ADAM18: variants seen among roughly 807,000 people sequenced by gnomAD.
ADAM18 encodes the protein disintegrin and metalloproteinase domain-containing protein 18.
In ADAM18, 117 loss-of-function variants were observed where a neutral mutation model predicts 94.4. The ratio of observed to expected loss-of-function variants is 1.24; its 90% CI spans 1.07 to 1.45. The LOEUF is 1.45. Ranked by LOEUF, ADAM18 falls within the 40% of genes most tolerant of loss-of-function variation. ADAM18 has a pLI of 0.00. For missense variants in ADAM18, 936 were observed against 880.0 expected, an observed-to-expected ratio of 1.06 and a Z score of -0.81; for synonymous variants, 327 against 291.6, an observed-to-expected ratio of 1.12 and a Z score of -1.24.
At position 39,727,525 on chromosome 8, in the gene ADAM18, T is replaced by C. The variant is rs139971820; in HGVS notation, c.2178-2373T>C. ...GCCAGATATCCTATATGGTCATCTT[T>C]AGTTCAAGCTTCCACAGATCCCTAG... is the stretch of plus-strand genomic sequence containing the variant. On this transcript the variant is annotated intron_variant, in intron 19 of 19. Transcript: ENST00000265707. Among the ~76,000 whole-genome samples the C allele has an allele frequency of 4.6e-5, 7 of 152,336 alleles. No homozygotes were observed. The East Asian group carries it at 1.3e-3, about 29-fold the overall frequency.
At chr8:39,649,430 T>G (rs1820467224) in intron 12 of ADAM18, among the ~76,000 whole-genome samples, 1 of 152,148 alleles carries the variant, frequency 6.6e-6, no homozygotes, top group Non-Finnish European at 1.5e-5. Flanking sequence ...CATGCTGTCT[T>G]AGTTTTCTGA....
chr8:39,704,671 G>A (rs1338264372), intron 17 of ADAM18, among the ~76,000 whole-genome samples: 1 of 152,060 alleles, frequency 6.6e-6, no homozygotes, highest in Non-Finnish European at 1.5e-5. Flanking sequence ...TCTATGCCCA[G>A]CTTAAATAAA....
chr8:39,603,803 C>T (rs1187075187), intron 2 of ADAM18, among the ~76,000 whole-genome samples: 3 of 151,878 alleles, frequency 2.0e-5, no homozygotes, highest in Middle Eastern at 3.2e-3. Flanking sequence ...TTATTTTTGC[C>T]TTCTTAAATT....
At chr8:39,686,102 A>G (rs1821599588) in intron 16 of ADAM18, among the ~76,000 whole-genome samples, 1 of 152,038 alleles carries the variant, frequency 6.6e-6, no homozygotes, top group African/African-American at 2.4e-5. Flanking sequence ...ATCATCCTTA[A>G]TTCTCCACTT....
intron 18 of ADAM18, among the ~76,000 whole-genome samples, chr8:39,720,598 G>A (rs974305857): frequency 1.3e-5 from 2 of 151,238 alleles, no homozygotes; most frequent in Non-Finnish European, 3.0e-5. Context: ...TATATTAAAT[G>A]AAAAAACTAA....
At chr8:39,637,204 T>A (rs1030647752) in intron 7 of ADAM18, 60 bp from the exon 8 acceptor site, 76 of 1,290,760 alleles carry the variant, frequency 5.9e-5, no homozygotes, top group Non-Finnish European at 8.3e-5. Context: ...TGCCTAAATA[T>A]CATTTCATTC....
At chr8:39,719,759 C>T (rs546767119) in intron 18 of ADAM18, among the ~76,000 whole-genome samples, 35 of 151,522 alleles carry the variant, frequency 2.3e-4, no homozygotes, top group African/African-American at 7.2e-4. Flanking sequence ...AAAGGGCTGA[C>T]CACATTAACT....
chr8:39,595,287 T>A (rs1818708490), intron 2 of ADAM18, among the ~76,000 whole-genome samples: 1 of 152,092 alleles, frequency 6.6e-6, no homozygotes, highest in African/African-American at 2.4e-5. Flanking sequence ...AGCACAGGGC[T>A]GACTTTCACT....
chr8:39,661,998 T>C (rs1397921573), intron 12 of ADAM18, among the ~76,000 whole-genome samples: 1 of 151,078 alleles, frequency 6.6e-6, no homozygotes, highest in African/African-American at 2.4e-5. Context: ...TGTTATCTAA[T>C]AGGAACAGGG....
At chr8:39,710,242 A>T (rs1822357937) in intron 18 of ADAM18, among the ~76,000 whole-genome samples, 1 of 152,230 alleles carries the variant, frequency 6.6e-6, no homozygotes, top group African/African-American at 2.4e-5. Flanking sequence ...TGACAGAATA[A>T]TTCTAGAAAA....
At chr8:39,721,191 T>C (rs1241456177) in intron 18 of ADAM18, among the ~76,000 whole-genome samples, 1 of 151,492 alleles carries the variant, frequency 6.6e-6, no homozygotes, top group Non-Finnish European at 1.5e-5. Flanking sequence ...CCCTATTCAA[T>C]AAATGGTGCT....
At chr8:39,652,920 G>T (rs1820576973) in intron 12 of ADAM18, among the ~76,000 whole-genome samples, 1 of 152,146 alleles carries the variant, frequency 6.6e-6, no homozygotes, top group South Asian at 2.1e-4. Context: ...GTGAAATAAG[G>T]CAGGCATAGA....
chr8:39,604,181 T>G (rs573560460), intron 2 of ADAM18, among the ~76,000 whole-genome samples: 5 of 152,348 alleles, frequency 3.3e-5, no homozygotes, highest in Non-Finnish European at 7.3e-5. Context: ...GGAGAGTTAC[T>G]TAATCTCTGT....
intron 14 of ADAM18, among the ~76,000 whole-genome samples, chr8:39,671,504 A>C (rs1298790076): frequency 6.6e-6 from 1 of 152,182 alleles, no homozygotes; most frequent in East Asian, 1.9e-4. Flanking sequence ...AGGAAGACTT[A>C]ATTGAGAAGT....
intron 16 of ADAM18, among the ~76,000 whole-genome samples, chr8:39,684,282 T>TTATA (rs1248644250): frequency 6.6e-6 from 1 of 150,740 alleles, no homozygotes; most frequent in Non-Finnish European, 1.5e-5. Flanking sequence ...AATCTTTTAT[T>TTATA]TATTTATTTA....
Position 39,615,615 on chromosome 8 carries a change from G to A in ADAM18, c.522+4909G>A, listed in dbSNP as rs979108668. Among the ~76,000 whole-genome samples, 4 of 152,170 alleles carry A rather than the reference G, an allele frequency of 2.6e-5. No homozygotes were observed. The East Asian group carries it at 5.8e-4, about 22-fold the overall frequency. ...AAACCCACAGTAAATATACTCAACA[G>A]GCAAAAGCTGGAAGCATTCCTCTTA... On this transcript the variant is annotated intron_variant, in intron 6 of 19. Transcript: ENST00000265707.
intron 2 of ADAM18, among the ~76,000 whole-genome samples, chr8:39,601,544 T>C (rs1446421856): frequency 1.3e-5 from 2 of 152,242 alleles, no homozygotes; most frequent in Admixed American, 6.5e-5. Flanking sequence ...TTTAGTTTAT[T>C]TATGATTAGC....
intron 2 of ADAM18, among the ~76,000 whole-genome samples, chr8:39,596,653 T>C (rs1463160206): frequency 6.6e-6 from 1 of 152,232 alleles, no homozygotes; most frequent in African/African-American, 2.4e-5. Context: ...TAGATATTTG[T>C]ATGGACATAA....
At chr8:39,615,974 A>G (rs541196925) in intron 6 of ADAM18, among the ~76,000 whole-genome samples, 1 of 152,250 alleles carries the variant, frequency 6.6e-6, no homozygotes, top group East Asian at 1.9e-4. Context: ...CACAAAAAAA[A>G]TATCTAGGAA....
Sources: allele counts gnomAD v4.1 joint callset (sites outside exome capture counted in the v4.1 genomes callset), GRCh38; gene constraint gnomAD v4.1.1; transcripts MANE v1.5; gene names NCBI Gene and HGNC (gene_info 2026-07-23, HGNC 2026-07-21).